Variants in PHC2 observed in about 807,000 individuals in gnomAD.
PHC2 encodes polyhomeotic homolog 2.
In PHC2, 29 loss-of-function variants were observed where a neutral mutation model predicts 87.4. The ratio of observed to expected loss-of-function variants is 0.33; its 90% CI spans 0.25 to 0.45. The LOEUF (loss-of-function observed/expected upper bound fraction) is 0.45. Among genes scored for constraint, PHC2 ranks in the 20% least tolerant of loss-of-function variants. The pLI is 1.00. For missense variants in PHC2, 857 were observed against 1,136.7 expected (o/e 0.75, Z 3.54); for synonymous variants, 438 against 461.7 (o/e 0.95, Z 0.66).
Position 33,359,010 on chromosome 1 carries a change from G to A in PHC2, c.977-3757C>T, listed in dbSNP as rs183623805. 2.0e-5 allele frequency: 3 copies of A among 152,328 alleles called. No homozygotes were observed. In the East Asian group the frequency reaches 5.8e-4, roughly 29 times the overall value. The allele number at this position is 152,328 out of a possible 1,614,324, so 9.4% of individuals were successfully genotyped here. A position where few individuals can be genotyped will look rare whatever the true frequency, so the allele number is the denominator to read the frequency against. On this transcript the variant is annotated intron_variant, in intron 7 of 14. Coordinates refer to ENST00000683057, the MANE Select transcript of PHC2 (RefSeq NM_001385109.1). ...TCCAACTCTGCTGCTTACCAGCTGT[G>A]TGACATGGGGTGAGTGAGTTACCTG...
intron 12 of PHC2, among the ~76,000 whole-genome samples, chr1:33,330,933 C>T (rs1646480090): frequency 6.6e-6 from 1 of 152,224 alleles, no homozygotes; most frequent in South Asian, 2.1e-4. Context: ...GACTAGCACA[C>T]AGCAGGTTCT....
chr1:33,357,716 A>G (rs772702495), intron 7 of PHC2, among the ~76,000 whole-genome samples: 4 of 152,190 alleles, frequency 2.6e-5, no homozygotes, highest in Non-Finnish European at 5.9e-5. Flanking sequence ...ACAATCAGGC[A>G]CTTTTGAGAA....
rs763020050 is a variant in PHC2 at position 33,324,244 on chromosome 1, C to CCTAT, written c.*617_*620dup. ...GGAGATGCCAGAGAGTAGCCCTTGG[C>CCTAT]CTATCTGTCAGTCCAGGCTCCCACA... On this transcript the variant is annotated 3_prime_UTR_variant, in exon 15 of 15. Transcript: ENST00000683057. 2.6e-5 allele frequency: 4 copies of CCTAT among 152,856 alleles called. No individual in the cohort carries two copies. Among genetic ancestry groups the CCTAT allele is most frequent in the Admixed American group, 2.6e-4 (4 of 15,308 alleles). 9.5% of individuals were successfully genotyped at this position (152,856 alleles called of 1,614,324 possible). A position where few individuals can be genotyped will look rare whatever the true frequency, so the allele number is the denominator to read the frequency against.
chr1:33,356,375 G>T lies in PHC2; in HGVS notation c.977-1122C>A, dbSNP rs577215973. On this transcript the variant is annotated intron_variant, in intron 7 of 14. Coordinates refer to ENST00000683057, the MANE Select transcript of PHC2 (RefSeq NM_001385109.1). Reference sequence around the variant, plus strand: ...GGCAGGGTCATAGGACAATAGTGGAGGGAAGGTCAGCAGATAAACATGTGA... The same window carrying T: ...GGCAGGGTCATAGGACAATAGTGGATGGAAGGTCAGCAGATAAACATGTGA... Among the ~76,000 whole-genome samples the T allele has an allele frequency of 2.5e-3, 376 of 149,946 alleles. 2 individuals carry two copies. The highest frequency in any genetic ancestry group is 8.4e-3 in the African/African-American group (345 of 41,044).
intron 9 of PHC2, among the ~76,000 whole-genome samples, chr1:33,344,063 A>C (rs940973259): frequency 6.6e-6 from 1 of 152,244 alleles, no homozygotes; most frequent in African/African-American, 2.4e-5. Context: ...AGAAAGGTTA[A>C]CTTTAAGACA....
intron 3 of PHC2, 144 bp downstream of exon 3, chr1:33,372,145 C>T (rs1156846198): frequency 4.1e-6 from 3 of 725,512 alleles, no homozygotes; most frequent in South Asian, 2.4e-5. Context: ...GAGATAATGA[C>T]AGTAGTGCTC....
At chr1:33,337,019 T>A (rs539417743) in intron 9 of PHC2, among the ~76,000 whole-genome samples, 1 of 152,372 alleles carries the variant, frequency 6.6e-6, no homozygotes, top group South Asian at 2.1e-4. Context: ...GCTTTTATGT[T>A]TTGCATATGC....
At chr1:33,335,856 C>T (rs1237866206) in intron 9 of PHC2, among the ~76,000 whole-genome samples, 6 of 151,130 alleles carry the variant, frequency 4.0e-5, no homozygotes, top group African/African-American at 4.9e-5. Context: ...GCTGAGATCT[C>T]GCCACCCCCC....
At chr1:33,375,292 C>G (rs1388095717) in intron 2 of PHC2, 74 bp downstream of exon 2, 1 of 1,268,270 alleles carries the variant, frequency 7.9e-7, no homozygotes. Flanking sequence ...CCCACCAGAC[C>G]ATGCCAACAC....
Position 33,367,156 on chromosome 1 carries a change from C to A in PHC2, c.936G>T (p.Arg312=). 6.2e-7 allele frequency: 1 copy of A among 1,613,754 alleles called. No individual in the cohort carries two copies. Among genetic ancestry groups the A allele is most frequent in the South Asian group, 1.1e-5 (1 of 91,046 alleles). Residue 312 remains arginine (R), a synonymous_variant, in exon 7 of 15, where the codon CGG becomes CGT. Coordinates refer to ENST00000683057, the MANE Select transcript of PHC2 (RefSeq NM_001385109.1). ...GSMEGRAGLS[R]TVPAVAAHPL... ...GGTGGGCAGCCACAGCAGGAACCGTCCGGCTGAGCCCAGCCCGGCCTTCCA... is the reference window on the plus strand; with the variant it reads ...GGTGGGCAGCCACAGCAGGAACCGTACGGCTGAGCCCAGCCCGGCCTTCCA...
intron 1 of PHC2, among the ~76,000 whole-genome samples, chr1:33,394,075 A>G (rs1161933064): frequency 2.0e-5 from 3 of 152,202 alleles, no homozygotes; most frequent in Non-Finnish European, 2.9e-5. Flanking sequence ...CTCCTGTCCT[A>G]TAATAAATTT....
Position 33,395,432 on chromosome 1 carries a change from C to T in PHC2, c.-54-19839G>A, listed in dbSNP as rs557983434. Among the ~76,000 whole-genome samples the T allele has an allele frequency of 4.8e-5, 7 of 145,798 alleles. No homozygotes were observed. In the South Asian group the frequency reaches 9.1e-4, roughly 19 times the overall value. On this transcript the variant is annotated intron_variant, in intron 1 of 14. Transcript: ENST00000683057. ...AAATTTGTGCATTTTGTTGTATATACATTTTACCTTAAGATAAAAATAAAT... is the reference window on the plus strand; with the variant it reads ...AAATTTGTGCATTTTGTTGTATATATATTTTACCTTAAGATAAAAATAAAT...
chr1:33,370,454 T>G lies in PHC2; in HGVS notation c.543A>C (p.Ala181=). The G allele has an allele frequency of 6.2e-7, 1 of 1,614,098 alleles. No homozygotes were observed. The highest frequency in any genetic ancestry group is 8.5e-7 in the Non-Finnish European group (1 of 1,179,980). The part of the protein sequence containing the change: ...LGNTSSPALT[A]SQAQMYLRAQ... ...CCCTCAGATACATCTGTGCTTGGCT[T>G]GCAGTCAGGGCTGGGGAAGACGTGT... The change falls in exon 5 of 15, where the codon GCA becomes GCC. Residue 181 remains alanine, a synonymous_variant. Transcript: ENST00000683057.
chr1:33,349,783 CGGGGCGCGAGGCCGGGACG>C lies in PHC2; in HGVS notation c.1558+4599_1558+4617del, dbSNP rs1369928628. ...CTGGCCGGCGTCAACAAAGGGCGGC[CGGGGCGCGAGGCCGGGACG>C]GGGGCGCGAGGCCGGGGCGGGAGCG... On this transcript the variant is annotated intron_variant, in intron 9 of 14. Transcript: ENST00000683057. The surrounding 1 kb of genome is among the most constrained non-coding windows in gnomAD (Gnocchi z 4.2). The C allele has an allele frequency of 4.8e-4, 466 of 978,898 alleles. No homozygotes were observed. The highest frequency in any genetic ancestry group is 3.9e-3 in the East Asian group (34 of 8,622). The allele number at this position is 978,898 out of a possible 1,614,324, so 60.6% of individuals were successfully genotyped here.
At chr1:33,374,603 A>G (rs1034023144) in intron 2 of PHC2, among the ~76,000 whole-genome samples, 1 of 152,172 alleles carries the variant, frequency 6.6e-6, no homozygotes, top group Non-Finnish European at 1.5e-5. Context: ...CTTTTCTAGT[A>G]TATCCAAACT....
intron 1 of PHC2, among the ~76,000 whole-genome samples, chr1:33,430,104 A>T (rs995112457): frequency 1.3e-5 from 2 of 151,882 alleles, no homozygotes; most frequent in African/African-American, 4.8e-5. Flanking sequence ...TTACAAGAAG[A>T]CACTTCTGTA....
At chr1:33,376,336 C>T (rs1317233650) in intron 1 of PHC2, among the ~76,000 whole-genome samples, 1 of 152,204 alleles carries the variant, frequency 6.6e-6, no homozygotes, top group African/African-American at 2.4e-5. Flanking sequence ...TGCCCGACCA[C>T]TTGGGAACTG....
intron 1 of PHC2, among the ~76,000 whole-genome samples, chr1:33,416,107 G>A (rs575734330): frequency 9.9e-5 from 15 of 152,184 alleles, no homozygotes; most frequent in African/African-American, 3.6e-4. Flanking sequence ...AATATTTGAA[G>A]AAACCATAGC....
chr1:33,395,971 G>C (rs898020208), intron 1 of PHC2, among the ~76,000 whole-genome samples: 2 of 152,136 alleles, frequency 1.3e-5, no homozygotes, highest in African/African-American at 4.8e-5. Flanking sequence ...ACTTATCACT[G>C]GACTTATGTA....
Sources: gnomAD v4.1 joint callset for allele counts (sites outside exome capture counted in the v4.1 genomes callset) on GRCh38, gnomAD v4.1.1 for gene constraint, Gnocchi (gnomAD v3.1) non-coding constraint, MANE v1.5 for transcripts, NCBI Gene and HGNC (gene_info 2026-07-23, HGNC 2026-07-21) for gene names.